Variants in SLC18A1 observed in about 807,000 individuals in gnomAD.
The protein encoded by SLC18A1 is solute carrier family 18 member A1, also known as chromaffin granule amine transporter.
SLC18A1 carries 69 observed loss-of-function variants against 53.7 expected under a neutral mutation model. The ratio of observed to expected loss-of-function variants is 1.28; its 90% CI spans 1.06 to 1.57. SLC18A1 has a LOEUF of 1.57. Ranked by LOEUF, SLC18A1 falls within the 40% of genes most tolerant of loss-of-function variation. SLC18A1 has a pLI of 0.00. For synonymous variants in SLC18A1, 320 were observed against 248.1 expected (o/e 1.29, Z -2.72); for missense variants, 932 against 668.1 (o/e 1.40, Z -4.35).
At chr8:20,164,151 A>C (rs1251860297) in intron 10 of SLC18A1, among the ~76,000 whole-genome samples, 1 of 152,084 alleles carries the variant, frequency 6.6e-6, no homozygotes, top group Non-Finnish European at 1.5e-5. Context: ...CTGGCCCCGT[A>C]AGCCTCTCCT....
At chr8:20,153,137 G>A (rs2071600410) in intron 10 of SLC18A1, among the ~76,000 whole-genome samples, 1 of 152,186 alleles carries the variant, frequency 6.6e-6, no homozygotes, top group African/African-American at 2.4e-5. Flanking sequence ...TAGGGGCTTA[G>A]AGAAAGATTG....
chr8:20,153,023 G>T (rs555035242), intron 10 of SLC18A1, among the ~76,000 whole-genome samples: 3 of 152,314 alleles, frequency 2.0e-5, no homozygotes, highest in African/African-American at 7.2e-5. Flanking sequence ...AGGAGGCAAA[G>T]TCAACCACTG....
rs763081959 is a variant in SLC18A1 at position 20,149,868 on chromosome 8, C to T, written c.1095-141G>A. On this transcript the variant is annotated intron_variant, in intron 11 of 15. Coordinates refer to ENST00000276373, the MANE Select transcript of SLC18A1 (RefSeq NM_003053.4). ...CCTGAGGACAGCATCCCTACATGAC[C>T]AGTTTGTACCCAAATGAGCTCTCTC... 4.3e-4 allele frequency: 301 copies of T among 697,702 alleles called. 1 individual carries two copies. Among genetic ancestry groups the T allele is most frequent in the Non-Finnish European group, 6.8e-4 (267 of 392,546 alleles). The allele number at this position is 697,702 out of a possible 1,614,324, so 43.2% of individuals were successfully genotyped here.
chr8:20,149,054 A>G (rs1400410142), intron 12 of SLC18A1, among the ~76,000 whole-genome samples: 1 of 152,094 alleles, frequency 6.6e-6, no homozygotes, highest in African/African-American at 2.4e-5. Context: ...GCTGGTCTTG[A>G]GCACAGTTTA....
In SLC18A1 at chr8:20,164,939, C is replaced by T. The variant is rs764957602; in HGVS notation, c.945G>A (p.Gly315=). 1 of 1,613,876 alleles carries T rather than the reference C, an allele frequency of 6.2e-7. No individual in the cohort carries two copies. Among genetic ancestry groups the T allele is most frequent in the Non-Finnish European group, 8.5e-7 (1 of 1,179,850 alleles). ...GCAGTGTGGGCTCCAGGATGGCCAC[C>T]CCCATGTTGGCAAAGCAGATGGACC... ...AAGSICFANM[G]VAILEPTLPI... is the part of the protein sequence containing the mutation. Residue 315 remains glycine (G), a synonymous_variant, in exon 10 of 16, where the codon GGG becomes GGA. Transcript: ENST00000276373.
chr8:20,168,022 G>C (rs1275789537), intron 8 of SLC18A1, among the ~76,000 whole-genome samples: 3 of 152,014 alleles, frequency 2.0e-5, no homozygotes, highest in Admixed American at 2.0e-4. Flanking sequence ...GATGAACGTA[G>C]GACATATTTT....
chr8:20,179,103 C>G lies in SLC18A1; in HGVS notation c.488+18G>C, dbSNP rs2072337772. 1 of 1,601,314 alleles carries G rather than the reference C, an allele frequency of 6.2e-7. No individual in the cohort carries two copies. Among genetic ancestry groups the G allele is most frequent in the Non-Finnish European group, 8.5e-7 (1 of 1,172,820 alleles). On this transcript the variant is annotated intron_variant, in intron 3 of 15. Coordinates refer to ENST00000276373, the MANE Select transcript of SLC18A1 (RefSeq NM_003053.4). ...CTACTCCTGTGTACCCTGCGGGGCACTGCACCCAGTGAGATACCTGTTGGT... is the reference window on the plus strand; with the variant it reads ...CTACTCCTGTGTACCCTGCGGGGCAGTGCACCCAGTGAGATACCTGTTGGT...
chr8:20,153,389 G>A (rs960870089), intron 10 of SLC18A1, among the ~76,000 whole-genome samples: 1 of 152,220 alleles, frequency 6.6e-6, no homozygotes, highest in African/African-American at 2.4e-5. Flanking sequence ...AGAAAGAAGT[G>A]AGGACAGGCT....
chr8:20,174,410 A>C lies in SLC18A1; in HGVS notation c.582T>G (p.Phe194Leu), dbSNP rs1444722568. ...CAATGCCTTGAAGGGTTCGGGCCAC[A>C]AAGAGTAGAGTATAGGTCCCAGAAA... ...FAFSGTYTLL[F>L]VARTLQGIGS... is the part of the protein sequence containing the mutation. Residue 194 changes from phenylalanine to leucine, a missense_variant, in exon 5 of 16, where the codon TTT becomes TTG. Coordinates refer to ENST00000276373, the MANE Select transcript of SLC18A1 (RefSeq NM_003053.4). 2 of 1,614,096 alleles carry C rather than the reference A, an allele frequency of 1.2e-6. No homozygotes were observed. The highest frequency in any genetic ancestry group is 2.2e-5 in the East Asian group (1 of 44,880).
chr8:20,166,491 T>C (rs985603664), intron 8 of SLC18A1, among the ~76,000 whole-genome samples: 1 of 151,310 alleles, frequency 6.6e-6, no homozygotes, highest in Non-Finnish European at 1.5e-5. Context: ...ACATAAGCGA[T>C]TTATTTTGAG....
chr8:20,171,296 T>C (rs942435352), intron 7 of SLC18A1, 109 bp downstream of exon 7: 11 of 1,315,722 alleles, frequency 8.4e-6, no homozygotes, highest in African/African-American at 1.5e-5. Flanking sequence ...CCTTGATCCA[T>C]CAAAACATGT....
chr8:20,180,980 G>C lies in SLC18A1; in HGVS notation c.-16C>G. ...TCCGGAGCATGGTGATGGCCGGACT[G>C]GGGCAGTCTTCCCCTGCGGGCTCTT... On this transcript the variant is annotated 5_prime_UTR_variant, in exon 2 of 16. Coordinates refer to ENST00000276373, the MANE Select transcript of SLC18A1 (RefSeq NM_003053.4). 1 of 1,561,024 alleles carries C rather than the reference G, an allele frequency of 6.4e-7. No individual in the cohort carries two copies.
At position 20,154,834 on chromosome 8, in the gene SLC18A1, C is replaced by T. The variant is rs900001897; in HGVS notation, c.1016-4090G>A. Among the ~76,000 whole-genome samples, 17 of 152,160 alleles carry T rather than the reference C, an allele frequency of 1.1e-4. 1 individual carries two copies. Among genetic ancestry groups the T allele is most frequent in the Admixed American group, 9.2e-4 (14 of 15,286 alleles). On this transcript the variant is annotated intron_variant, in intron 10 of 15. Coordinates refer to ENST00000276373, the MANE Select transcript of SLC18A1 (RefSeq NM_003053.4). ...CTGGCTCGAGCTGAGCTTTCATTCG[C>T]CGTCCACCACGGCTGAGCGCTGCCA...
At chr8:20,164,112 AC>A (rs1277067645) in intron 10 of SLC18A1, among the ~76,000 whole-genome samples, 1 of 152,134 alleles carries the variant, frequency 6.6e-6, no homozygotes, top group Non-Finnish European at 1.5e-5. Flanking sequence ...TGCATGCTGA[AC>A]TATATCATGT....
In SLC18A1 at chr8:20,171,112, G is replaced by A; in HGVS notation, c.849C>T (p.Val283=). The change falls in exon 8 of 16, where the codon GTC becomes GTT. Residue 283 remains valine, a synonymous_variant. Transcript: ENST00000276373. ...CTTTGTGTCTGCTTACCTCAGGAGA[G>A]ACTTTGGAAGGCTGTAGGATGCAAA... ...LQLCILQPSK[V]SPESAKGTPL... 6.2e-7 allele frequency: 1 copy of A among 1,614,154 alleles called. No individual in the cohort carries two copies.
chr8:20,166,187 AC>A (rs1261490885), intron 8 of SLC18A1, among the ~76,000 whole-genome samples: 4 of 150,994 alleles, frequency 2.6e-5, no homozygotes, highest in Admixed American at 2.6e-4. Context: ...ACTATTTATA[AC>A]TATAAAATAC....
Position 20,173,114 on chromosome 8 carries a change from C to T in SLC18A1, c.646G>A (p.Ala216Thr), listed in dbSNP as rs1469892554. 3.4e-5 allele frequency: 53 copies of T among 1,573,674 alleles called. No individual in the cohort carries two copies. Among genetic ancestry groups the T allele is most frequent in the Non-Finnish European group, 4.4e-5 (51 of 1,160,088 alleles). Residue 216 changes from alanine to threonine, a missense_variant, in exon 6 of 16, where the codon GCC becomes ACC. Coordinates refer to ENST00000276373, the MANE Select transcript of SLC18A1 (RefSeq NM_003053.4). ...FSSVAGLGML[A>T]SVYTDDHERG... ...TCATGGTCATCAGTGTAGACACTGG[C>T]CAGCATTCCAAGACCTGCGCAGAGA...
At chr8:20,182,922 C>A (rs1255183255) in intron 1 of SLC18A1, 141 bp downstream of exon 1, 6 of 151,994 alleles carry the variant, frequency 3.9e-5, no homozygotes, top group African/African-American at 1.5e-4. Flanking sequence ...ACACACACAC[C>A]CAAATCCCAA....
intron 10 of SLC18A1, among the ~76,000 whole-genome samples, chr8:20,162,789 A>T (rs909548212): frequency 1.3e-5 from 2 of 152,162 alleles, no homozygotes; most frequent in African/African-American, 2.4e-5. Flanking sequence ...AAAGATTCAG[A>T]CTTTCTCTAT....
Sources: gnomAD v4.1 joint callset for allele counts (sites outside exome capture counted in the v4.1 genomes callset) on GRCh38, gnomAD v4.1.1 for gene constraint, MANE v1.5 for transcripts, NCBI Gene and HGNC (gene_info 2026-07-23, HGNC 2026-07-21) for gene names.